Variants in NAT16 observed in about 807,000 individuals in gnomAD.
The protein encoded by NAT16 is probable N-acetyltransferase 16.
A neutral mutation model predicts 15.9 loss-of-function variants in NAT16; 16 were observed. The observed-to-expected ratio is 1.01, with a 90% CI of 0.68 to 1.53. The LOEUF (loss-of-function observed/expected upper bound fraction) is 1.53. Among genes scored for constraint, NAT16 ranks in the 40% most tolerant of loss-of-function variants. NAT16 has a pLI of 0.00. For missense variants in NAT16, 572 were observed against 508.4 expected (o/e 1.13, Z -1.20); for synonymous variants, 260 against 241.9 (o/e 1.07, Z -0.69).
intron 1 of NAT16, among the ~76,000 whole-genome samples, chr7:101,179,395 C>T (rs1797542575): frequency 1.3e-5 from 2 of 150,474 alleles, no homozygotes; most frequent in Non-Finnish European, 3.0e-5. Context: ...TAGCACGCAC[C>T]CCCTCCCCTG....
intron 2 of NAT16, 49 bp downstream of exon 2, chr7:101,174,447 C>A: frequency 6.5e-7 from 1 of 1,529,104 alleles, no homozygotes; most frequent in South Asian, 1.2e-5. Flanking sequence ...ATCCACGCAC[C>A]CGCAGGTGGC....
chr7:101,174,524 A>G lies in NAT16; in HGVS notation c.284T>C (p.Val95Ala), dbSNP rs1304625905. ...GCCTCCGTTGCGCTTGGCCAGCACCACCGTGCGGTCGGGGTCCCGGAGCCA... is the reference window on the plus strand; with the variant it reads ...GCCTCCGTTGCGCTTGGCCAGCACCGCCGTGCGGTCGGGGTCCCGGAGCCA... ...HSWLRDPDRTVVLAKRNGGVI... is the reference protein window; with the variant it reads ...HSWLRDPDRTAVLAKRNGGVI... The change falls in exon 2 of 4, where the codon GTG becomes GCG. Residue 95 changes from valine (V) to alanine (A), a missense_variant. Physicochemically the swap from Val to Ala is moderately conservative, Grantham distance 64 (BLOSUM62 0). Transcript: ENST00000300303. 2 of 1,613,526 alleles carry G rather than the reference A, an allele frequency of 1.2e-6. No individual in the cohort carries two copies. Among genetic ancestry groups the G allele is most frequent in the African/African-American group, 1.3e-5 (1 of 75,018 alleles).
chr7:101,178,710 TAAAAA>T (rs386410830), intron 1 of NAT16, among the ~76,000 whole-genome samples: 1 of 72,792 alleles, frequency 1.4e-5, no homozygotes, highest in Non-Finnish European at 2.4e-5. Context: ...CTCTCTCTAC[TAAAAA>T]AAAAAAAAAA....
At position 101,174,943 on chromosome 7, in the gene NAT16, CTTAT is replaced by C. The variant is rs796218591; in HGVS notation, c.-4-136_-4-133del. The C allele has an allele frequency of 5.2e-4, 593 of 1,130,354 alleles. 3 individuals carry two copies. The African/African-American group carries it at 8.6e-3, about 16-fold the overall frequency. 70.0% of individuals were successfully genotyped at this position (1,130,354 alleles called of 1,614,324 possible). The stretch of plus-strand genomic sequence containing the variant: ...CTTTTTCTTTTCTTTTATTTATTTA[CTTAT>C]TTACTTATTTATTTATTTATTTTTT... On this transcript the variant is annotated intron_variant, in intron 1 of 3. Transcript: ENST00000300303.
chr7:101,176,573 G>A (rs1480999014), intron 1 of NAT16, among the ~76,000 whole-genome samples: 4 of 46,570 alleles, frequency 8.6e-5, no homozygotes, highest in African/African-American at 1.6e-4. Flanking sequence ...CCCCGCCCCC[G>A]CCCCTTTCCT....
chr7:101,174,743 G>C lies in NAT16; in HGVS notation c.65C>G (p.Ala22Gly). ...SEVPKPEKKT[A>G]RDAEPSSETR... is the part of the protein sequence containing the mutation. ...TTCAGAGCTTGGCTCTGCATCTCGG[G>C]CAGTCTTCTTTTCCGGCTTAGGGAC... The change falls in exon 2 of 4, where the codon GCC becomes GGC. Residue 22 changes from alanine to glycine, a missense_variant. By Grantham distance (60) the Ala-to-Gly change is moderately conservative. Coordinates refer to ENST00000300303, the MANE Select transcript of NAT16 (RefSeq NM_198571.3). 3 of 1,608,258 alleles carry C rather than the reference G, an allele frequency of 1.9e-6. No homozygotes were observed. The highest frequency in any genetic ancestry group is 2.2e-5 in the South Asian group (2 of 90,980).
intron 1 of NAT16, among the ~76,000 whole-genome samples, chr7:101,175,655 C>T (rs376815225): frequency 2.0e-5 from 3 of 151,780 alleles, no homozygotes; most frequent in East Asian, 3.9e-4. Context: ...AGGCTGGACA[C>T]GGAAACTCAT....
rs12540617 is a variant in NAT16, at chr7:101,172,535, C to T, written c.654G>A (p.Glu218=). Residue 218 remains glutamate, a synonymous_variant, in exon 4 of 4, where the codon GAG becomes GAA. Coordinates refer to ENST00000300303, the MANE Select transcript of NAT16 (RefSeq NM_198571.3). The surrounding 1 kb of genome is among the most constrained non-coding windows in gnomAD (Gnocchi z 4.2). The stretch of plus-strand genomic sequence containing the variant: ...GGAGGCGTGCCACGTCGCCGCCTGC[C>T]TCGGACACGGCCTCGGTGGGCAGCG... The part of the protein sequence containing the change: ...FSPLPTEAVS[E]AGGDVARLLL... 0.055 allele frequency: 86,220 copies of T among 1,570,488 alleles called. 4,666 individuals carry two copies. Among genetic ancestry groups the T allele is most frequent in the Admixed American group, 0.29 (16,310 of 55,658 alleles).
intron 1 of NAT16, among the ~76,000 whole-genome samples, chr7:101,177,603 C>T (rs886212216): frequency 1.4e-4 from 22 of 152,298 alleles, no homozygotes; most frequent in Admixed American, 1.0e-3. Context: ...CCTCCCACCT[C>T]CACTTCCCAA....
At chr7:101,174,462 C>T in intron 2 of NAT16, 34 bp downstream of exon 2, 1 of 1,569,444 alleles carries the variant, frequency 6.4e-7, no homozygotes, top group Non-Finnish European at 8.6e-7. Context: ...GGTGGCTTCA[C>T]CCCATGTCAC....
Position 101,171,379 on chromosome 7 carries a change from C to T in NAT16, c.*700G>A, listed in dbSNP as rs973091433. The T allele has an allele frequency of 6.6e-6, 1 of 152,406 alleles. No individual in the cohort carries two copies. The highest frequency in any genetic ancestry group is 1.5e-5 in the Non-Finnish European group (1 of 68,134). The allele number at this position is 152,406 out of a possible 1,614,324, so 9.4% of individuals were successfully genotyped here. A position where few individuals can be genotyped will look rare whatever the true frequency, so the allele number is the denominator to read the frequency against. On this transcript the variant is annotated 3_prime_UTR_variant, in exon 4 of 4. Coordinates refer to ENST00000300303, the MANE Select transcript of NAT16 (RefSeq NM_198571.3). ...CATTTTACAGTATCACTCTCTCTCT[C>T]TCTGGATTGCACACTGGGCTGGTGA...
chr7:101,178,026 C>T (rs1025047446), intron 1 of NAT16, among the ~76,000 whole-genome samples: 8 of 152,342 alleles, frequency 5.3e-5, no homozygotes, highest in Non-Finnish European at 8.8e-5. Flanking sequence ...AATACCCTCA[C>T]TACCCCCAAA....
rs748135499 is a variant in NAT16, at chr7:101,172,373, C to A, written c.816G>T (p.Ala272=). 2 of 1,572,402 alleles carry A rather than the reference C, an allele frequency of 1.3e-6. No individual in the cohort carries two copies. Among genetic ancestry groups the A allele is most frequent in the East Asian group, 4.7e-5 (2 of 42,238 alleles). ...KGLEWRVDSR[A]RPRVLTLCTR... is the part of the protein sequence containing the mutation. ...TGCACAGCGTGAGCACGCGCGGGCG[C>A]GCGCGGCTGTCCACGCGCCACTCCA... The change falls in exon 4 of 4, where the codon GCG becomes GCT. Residue 272 remains alanine (A), a synonymous_variant. Transcript: ENST00000300303. This position sits in a 1 kb window ranked among gnomAD's most constrained non-coding sequence, Gnocchi z 4.2.
rs1797332373 is a variant in NAT16 at position 101,172,001 on chromosome 7, A to C, written c.*78T>G. On this transcript the variant is annotated 3_prime_UTR_variant, in exon 4 of 4. Transcript: ENST00000300303. The surrounding 1 kb of genome is among the most constrained non-coding windows in gnomAD (Gnocchi z 4.2). ...ACTTCCCAGGAGACGCAGCGTCGGA[A>C]ATGGCAGGAAAGAGGCTGGCTGGGG... The C allele has an allele frequency of 8.6e-6, 9 of 1,048,936 alleles. No homozygotes were observed. The East Asian group carries it at 2.3e-4, about 27-fold the overall frequency. The allele number at this position is 1,048,936 out of a possible 1,614,324, so 65.0% of individuals were successfully genotyped here. A position where few individuals can be genotyped will look rare whatever the true frequency, so the allele number is the denominator to read the frequency against.
chr7:101,171,809 A>G lies in NAT16; in HGVS notation c.*270T>C. 1 of 442,796 alleles carries G rather than the reference A, an allele frequency of 2.3e-6. No individual in the cohort carries two copies. Among genetic ancestry groups the G allele is most frequent in the East Asian group, 4.3e-5 (1 of 23,480 alleles). The allele number at this position is 442,796 out of a possible 1,614,324, so 27.4% of individuals were successfully genotyped here. A position where few individuals can be genotyped will look rare whatever the true frequency, so the allele number is the denominator to read the frequency against. On this transcript the variant is annotated 3_prime_UTR_variant, in exon 4 of 4. Coordinates refer to ENST00000300303, the MANE Select transcript of NAT16 (RefSeq NM_198571.3). ...TCTTTGGAAAAACAGAGGGTGGATA[A>G]CAGCAGCTCAAGGCCCCCACCCCCA...
chr7:101,173,720 C>A (rs1356973999), intron 2 of NAT16, 200 bp from the exon 3 acceptor site: 2 of 544,814 alleles, frequency 3.7e-6, no homozygotes, highest in African/African-American at 2.0e-5. Context: ...CTTCGTCCAC[C>A]TTTTTATTTT....
At position 101,172,170 on chromosome 7, in the gene NAT16, C is replaced by T. The variant is rs758017412; in HGVS notation, c.1019G>A (p.Trp340Ter). Residue 340 changes from tryptophan to a stop codon, truncating the protein, a stop_gained, in exon 4 of 4, where the codon TGG (tryptophan) becomes TAG (stop). Coordinates refer to ENST00000300303, the MANE Select transcript of NAT16 (RefSeq NM_198571.3). LOFTEE classifies it low-confidence loss of function (END_TRUNC). The surrounding 1 kb of genome is among the most constrained non-coding windows in gnomAD (Gnocchi z 4.2). Reference protein sequence around the residue: ...MCQLFLEPQLWSQLADFCQVG... With the variant: ...MCQLFLEPQL ...CTGGCAGAAGTCAGCCAGCTGTGAC[C>T]ACAGCTGGGGCTCCAGGAAGAGCTG... The T allele has an allele frequency of 1.9e-6, 3 of 1,614,074 alleles. No homozygotes were observed. In the Admixed American group the frequency reaches 5.0e-5, roughly 27 times the overall value.
chr7:101,175,402 G>T (rs1797442557), intron 1 of NAT16, among the ~76,000 whole-genome samples: 1 of 151,892 alleles, frequency 6.6e-6, no homozygotes, highest in Admixed American at 6.6e-5. Context: ...CACTCTACCT[G>T]GCCCACACCC....
chr7:101,177,306 G>C (rs1797488863), intron 1 of NAT16, among the ~76,000 whole-genome samples: 2 of 152,156 alleles, frequency 1.3e-5, no homozygotes, highest in Non-Finnish European at 2.9e-5. Context: ...GGCCAGGGGG[G>C]AGACCTCTTA....
Sources: allele counts gnomAD v4.1 joint callset (sites outside exome capture counted in the v4.1 genomes callset), GRCh38; gene constraint gnomAD v4.1.1; non-coding constraint Gnocchi (gnomAD v3.1); transcripts MANE v1.5; gene names NCBI Gene and HGNC (gene_info 2026-07-23, HGNC 2026-07-21).